FSTL5: variants seen among roughly 807,000 people sequenced by gnomAD.
FSTL5 encodes follistatin like 5, also known as follistatin-related protein 5.
FSTL5 carries 62 observed loss-of-function variants against 89.1 expected under a neutral mutation model. The ratio of observed to expected loss-of-function variants is 0.70; its 90% confidence interval spans 0.57 to 0.86. The LOEUF (loss-of-function observed/expected upper bound fraction) is 0.86, where lower values mean the gene tolerates loss of function less well. Among genes scored for constraint, FSTL5 ranks in the 40% least tolerant of loss-of-function variants. FSTL5 has a pLI of 0.00. For synonymous variants in FSTL5, 383 were observed against 346.2 expected (o/e 1.11, Z -1.18); for missense variants, 1,057 against 1,001.6 (o/e 1.06, Z -0.75).
At chr4:161,980,764 C>CGT (rs1735803526) in intron 3 of FSTL5, among the ~76,000 whole-genome samples, 1 of 71,826 alleles carries the variant, frequency 1.4e-5, no homozygotes, top group East Asian at 4.9e-4. Flanking sequence ...CTTCAAGTAA[C>CGT]TTTTTTTTTT....
chr4:161,419,699 C>T (rs1413324229), intron 15 of FSTL5, among the ~76,000 whole-genome samples: 3 of 152,160 alleles, frequency 2.0e-5, no homozygotes, highest in African/African-American at 7.2e-5. Context: ...TTGCAACTGG[C>T]CCTGTCTCTC....
intron 6 of FSTL5, among the ~76,000 whole-genome samples, chr4:161,749,974 T>A (rs1740340411): frequency 6.6e-6 from 1 of 152,002 alleles, no homozygotes; most frequent in Admixed American, 6.6e-5. Context: ...TATATCCATG[T>A]GACAAACACA....
chr4:161,833,848 G>C (rs1461071966), intron 4 of FSTL5, among the ~76,000 whole-genome samples: 1 of 151,872 alleles, frequency 6.6e-6, no homozygotes, highest in Non-Finnish European at 1.5e-5. Context: ...TTGCCAGTCT[G>C]TGTCTTTTAA....
chr4:161,867,518 G>T (rs1164672014), intron 4 of FSTL5, among the ~76,000 whole-genome samples: 1 of 151,630 alleles, frequency 6.6e-6, no homozygotes, highest in Non-Finnish European at 1.5e-5. Flanking sequence ...TTATATGAAG[G>T]TTACATATAT....
At chr4:161,992,896 ATGTG>A (rs1207744093) in intron 3 of FSTL5, among the ~76,000 whole-genome samples, 3 of 22,898 alleles carry the variant, frequency 1.3e-4, no homozygotes, top group African/African-American at 3.4e-4. Context: ...ATATATATAT[ATGTG>A]TGTGTATATA....
intron 7 of FSTL5, among the ~76,000 whole-genome samples, chr4:161,636,484 T>A (rs1467746056): frequency 2.1e-5 from 3 of 145,622 alleles, no homozygotes; most frequent in South Asian, 2.1e-4. Context: ...TATTATACTT[T>A]AAGTTTTAGG....
intron 2 of FSTL5, among the ~76,000 whole-genome samples, chr4:162,087,566 T>C (rs1301527117): frequency 6.6e-5 from 10 of 152,156 alleles, no homozygotes; most frequent in Non-Finnish European, 1.5e-4. Context: ...AGTTAATTAA[T>C]CTTCTAACCC....
At chr4:161,787,197 T>G (rs1032200524) in intron 4 of FSTL5, among the ~76,000 whole-genome samples, 1 of 152,086 alleles carries the variant, frequency 6.6e-6, no homozygotes, top group South Asian at 2.1e-4. Flanking sequence ...AAATAATTTA[T>G]AAATGAGATG....
At chr4:162,017,981 G>T (rs1178342765) in intron 3 of FSTL5, among the ~76,000 whole-genome samples, 2 of 152,036 alleles carry the variant, frequency 1.3e-5, no homozygotes, top group Non-Finnish European at 2.9e-5. Flanking sequence ...AACCCCTCCA[G>T]CCTGACTTTG....
chr4:161,702,353 T>C (rs1308321426), intron 6 of FSTL5, among the ~76,000 whole-genome samples: 4 of 152,204 alleles, frequency 2.6e-5, no homozygotes. Flanking sequence ...ATTTGAAATC[T>C]CTTTGAAGAT....
chr4:161,510,097 C>T (rs1730603536), intron 11 of FSTL5, among the ~76,000 whole-genome samples: 1 of 152,074 alleles, frequency 6.6e-6, no homozygotes. Context: ...AATCAGAGTT[C>T]ATTATGTAAA....
chr4:161,396,541 C>T (rs1301125725), intron 15 of FSTL5, among the ~76,000 whole-genome samples: 1 of 150,210 alleles, frequency 6.7e-6, no homozygotes, highest in African/African-American at 2.5e-5. Context: ...GTAATCCCAG[C>T]TACTCAGGAA....
At chr4:162,098,107 C>T (rs72693262) in intron 2 of FSTL5, among the ~76,000 whole-genome samples, 13 of 152,030 alleles carry the variant, frequency 8.6e-5, no homozygotes, top group African/African-American at 1.4e-4. Flanking sequence ...TAGTTATCTA[C>T]ACTGGGTAGT....
At chr4:161,780,764 C>T (rs565114513) in intron 4 of FSTL5, among the ~76,000 whole-genome samples, 1 of 152,184 alleles carries the variant, frequency 6.6e-6, no homozygotes, top group Non-Finnish European at 1.5e-5. Flanking sequence ...AGAGTACAAC[C>T]ATCAGTTTTG....
At chr4:161,702,041 G>A (rs1241301310) in intron 6 of FSTL5, among the ~76,000 whole-genome samples, 1 of 151,890 alleles carries the variant, frequency 6.6e-6, no homozygotes, top group Non-Finnish European at 1.5e-5. Flanking sequence ...CCATTTCAAA[G>A]GGATATAAAT....
intron 3 of FSTL5, among the ~76,000 whole-genome samples, chr4:161,924,722 G>A (rs72616794): frequency 0.18 from 27,946 of 151,540 alleles, 3,371 homozygotes; most frequent in East Asian, 0.45. Flanking sequence ...TCTAATGGCT[G>A]ATAAAAGGAT....
chr4:161,495,188 A>G (rs2126476214), intron 12 of FSTL5: 1 of 152,320 alleles, frequency 6.6e-6, no homozygotes, highest in African/African-American at 2.4e-5. Context: ...TTAAATAATA[A>G]GTAATACCAT....
At chr4:161,592,777 G>C (rs1196979286) in intron 7 of FSTL5, among the ~76,000 whole-genome samples, 2 of 152,104 alleles carry the variant, frequency 1.3e-5, no homozygotes, top group African/African-American at 4.8e-5. Context: ...ATAATCCTTT[G>C]GGTATAACCC....
chr4:162,010,070 C>A (rs1736717585), intron 3 of FSTL5, among the ~76,000 whole-genome samples: 1 of 150,886 alleles, frequency 6.6e-6, no homozygotes, highest in East Asian at 1.9e-4. Context: ...TGAATGATTT[C>A]TTGATGCTTT....
Sources: gnomAD v4.1 joint callset for allele counts (sites outside exome capture counted in the v4.1 genomes callset) on GRCh38, gnomAD v4.1.1 for gene constraint, MANE v1.5 for transcripts, NCBI Gene and HGNC (gene_info 2026-07-23, HGNC 2026-07-21) for gene names.